RARB: variants seen among roughly 807,000 people sequenced by gnomAD.
RARB encodes retinoic acid receptor beta, also known as HBV-activated protein.
A neutral mutation model predicts 51.9 loss-of-function variants in RARB; 17 were observed. The observed-to-expected ratio is 0.33, with a 90% CI of 0.22 to 0.49. The LOEUF is 0.49. Among genes scored for constraint, RARB ranks in the 20% least tolerant of loss-of-function variants. The probability of loss-of-function intolerance (pLI) is 0.99; values close to 1 mark genes in which losing one functional copy is unlikely to be tolerated. For missense variants in RARB, 369 were observed against 550.8 expected, an observed-to-expected ratio of 0.67 and a Z score of 3.30; for synonymous variants, 215 against 195.4, an observed-to-expected ratio of 1.10 and a Z score of -0.84.
At chr3:25,511,335 G>T (rs1018933323) in intron 3 of RARB, among the ~76,000 whole-genome samples, 1 of 152,068 alleles carries the variant, frequency 6.6e-6, no homozygotes, top group Non-Finnish European at 1.5e-5. Context: ...GTTTCACCGT[G>T]TTAGCCAGGA....
At chr3:25,150,840 C>T (rs905134389) in intron 4 of RARB, among the ~76,000 whole-genome samples, 1 of 152,192 alleles carries the variant, frequency 6.6e-6, no homozygotes, top group Non-Finnish European at 1.5e-5. Flanking sequence ...AGTGTTGGCT[C>T]TCTTTAGGAA....
intron 3 of RARB, among the ~76,000 whole-genome samples, chr3:25,512,800 T>A (rs1286741908): frequency 6.6e-6 from 1 of 152,184 alleles, no homozygotes; most frequent in Non-Finnish European, 1.5e-5. Context: ...AGAGTCAAAC[T>A]GTTTTTTGGG....
At chr3:25,365,072 A>G (rs148442497) in intron 5 of RARB, among the ~76,000 whole-genome samples, 273 of 152,218 alleles carry the variant, frequency 1.8e-3, no homozygotes, top group African/African-American at 6.3e-3. Context: ...CATCACTCAA[A>G]GGCCCTAAAA....
intron 4 of RARB, among the ~76,000 whole-genome samples, chr3:25,138,903 C>T (rs1700070889): frequency 2.0e-5 from 3 of 152,214 alleles, no homozygotes; most frequent in South Asian, 4.2e-4. Flanking sequence ...AGCACTGTTT[C>T]CAGCAGAATG....
chr3:25,515,929 T>C (rs1698142188), intron 3 of RARB, among the ~76,000 whole-genome samples: 2 of 152,332 alleles, frequency 1.3e-5, no homozygotes, highest in Non-Finnish European at 1.5e-5. Context: ...CATAGAGAAA[T>C]TGTGTTATCA....
chr3:25,568,941 G>A (rs1159075321), intron 3 of RARB, among the ~76,000 whole-genome samples: 2 of 152,248 alleles, frequency 1.3e-5, no homozygotes. Context: ...CCAGAGGTCT[G>A]TGCTGCAGGA....
intron 3 of RARB, among the ~76,000 whole-genome samples, chr3:25,569,077 G>A (rs56346778): frequency 0.028 from 4,340 of 152,356 alleles, 111 homozygotes; most frequent in Middle Eastern, 0.058. Flanking sequence ...CAGACACAAC[G>A]TGGAGTCAAG....
chr3:25,102,794 G>A (rs1323862876), intron 3 of RARB, among the ~76,000 whole-genome samples: 1 of 152,162 alleles, frequency 6.6e-6, no homozygotes, highest in African/African-American at 2.4e-5. Context: ...GCTCACGCCT[G>A]TAATCCCAGC....
At chr3:25,274,759 T>C (rs1703338730) in intron 5 of RARB, among the ~76,000 whole-genome samples, 2 of 152,172 alleles carry the variant, frequency 1.3e-5, no homozygotes, top group Non-Finnish European at 1.5e-5. Context: ...TGCCTCTTTA[T>C]ATAGTCTTTT....
At chr3:25,105,180 C>G (rs1274582951) in intron 3 of RARB, among the ~76,000 whole-genome samples, 1 of 151,842 alleles carries the variant, frequency 6.6e-6, no homozygotes, top group Non-Finnish European at 1.5e-5. Context: ...CTTTTGCTCC[C>G]CTCAGTTTAT....
chr3:25,196,660 T>C (rs1701246711), intron 5 of RARB, among the ~76,000 whole-genome samples: 1 of 152,172 alleles, frequency 6.6e-6, no homozygotes, highest in South Asian at 2.1e-4. Context: ...TCTTCCACAA[T>C]GGTTGAACTA....
chr3:25,271,925 T>C (rs1005876410), intron 5 of RARB, among the ~76,000 whole-genome samples: 2 of 152,244 alleles, frequency 1.3e-5, no homozygotes, highest in African/African-American at 4.8e-5. Flanking sequence ...ACAAATTCTT[T>C]GTCTCCTGCC....
intron 5 of RARB, among the ~76,000 whole-genome samples, chr3:25,414,294 T>C (rs979472971): frequency 6.6e-6 from 1 of 152,256 alleles, no homozygotes; most frequent in Non-Finnish European, 1.5e-5. Context: ...TGTATGGATA[T>C]ACCACAATTT....
intron 2 of RARB, among the ~76,000 whole-genome samples, chr3:24,953,418 C>G (rs1328226197): frequency 6.6e-6 from 1 of 152,126 alleles, no homozygotes; most frequent in Non-Finnish European, 1.5e-5. Flanking sequence ...TTTAAAGAAC[C>G]AGGGCCTCAC....
At chr3:25,372,765 G>C (rs1234376627) in intron 5 of RARB, among the ~76,000 whole-genome samples, 1 of 152,208 alleles carries the variant, frequency 6.6e-6, no homozygotes, top group Non-Finnish European at 1.5e-5. Context: ...GGCTGAGGTT[G>C]CAGTGAGCTG....
At position 25,012,459 on chromosome 3, in the gene RARB, C is replaced by T. The variant is rs1407418133; in HGVS notation, c.-379-47666C>T. 3.3e-5 allele frequency among the ~76,000 whole-genome samples: 5 copies of T among 152,206 alleles called. No individual in the cohort carries two copies. In the East Asian group the frequency reaches 5.8e-4, roughly 18 times the overall value. On this transcript the variant is annotated intron_variant, in intron 2 of 11. Transcript: ENST00000383772. Reference sequence around the variant, plus strand: ...GTGCATCCAGATCATCAGCCAGGTTCAGAAAACTGTACTAGAAGCTCTGTG... The same window carrying T: ...GTGCATCCAGATCATCAGCCAGGTTTAGAAAACTGTACTAGAAGCTCTGTG...
intron 2 of RARB, among the ~76,000 whole-genome samples, chr3:25,015,775 T>C (rs967377436): frequency 1.3e-5 from 2 of 152,214 alleles, no homozygotes; most frequent in Non-Finnish European, 2.9e-5. Context: ...TGCATGTGAA[T>C]ATGAACTGCC....
At chr3:25,163,504 A>AATATATATATATACATATATATATATAT (rs1700508241) in intron 4 of RARB, among the ~76,000 whole-genome samples, 1 of 131,096 alleles carries the variant, frequency 7.6e-6, no homozygotes, top group Non-Finnish European at 1.6e-5. Context: ...CCTATCTCAA[A>AATATATATATATACATATATATATATAT]ATATATATAT....
At chr3:25,570,059 G>A in intron 4 of RARB, 141 bp downstream of exon 4, 2 of 1,236,162 alleles carry the variant, frequency 1.6e-6, no homozygotes, top group Non-Finnish European at 1.1e-6. Context: ...ATGCTAGCCA[G>A]CTGGGGCTAT....
Sources: gnomAD v4.1 joint callset for allele counts (sites outside exome capture counted in the v4.1 genomes callset) on GRCh38, gnomAD v4.1.1 for gene constraint, MANE v1.5 for transcripts, NCBI Gene and HGNC (gene_info 2026-07-23, HGNC 2026-07-21) for gene names.